ERI3: variants seen among roughly 807,000 people sequenced by gnomAD.
The protein encoded by ERI3 is ERI1 exoribonuclease family member 3, also known as ERI1 exoribonuclease 3.
ERI3 carries 18 observed loss-of-function variants against 44.4 expected under a neutral mutation model. The ratio of observed to expected loss-of-function variants is 0.41; its 90% CI spans 0.28 to 0.60. The LOEUF (loss-of-function observed/expected upper bound fraction) is 0.60. Ranked by LOEUF, ERI3 falls within the 20% of genes least tolerant of loss-of-function variation. ERI3 has a pLI of 0.36. For synonymous variants in ERI3, 183 were observed against 164.8 expected (o/e 1.11, Z -0.84); for missense variants, 294 against 435.5 (o/e 0.68, Z 2.89).
At chr1:44,310,957 GCGCGCGCACACACA>G (rs1557840884) in intron 5 of ERI3, among the ~76,000 whole-genome samples, 18 of 76,744 alleles carry the variant, frequency 2.3e-4, no homozygotes, top group African/African-American at 9.4e-4. Flanking sequence ...CACATCGCGC[GCGCGCGCACACACA>G]CACACACACA....
intron 7 of ERI3, among the ~76,000 whole-genome samples, chr1:44,261,579 C>T (rs1056000728): frequency 6.6e-6 from 1 of 152,236 alleles, no homozygotes; most frequent in African/African-American, 2.4e-5. Context: ...CGAGAGCAGG[C>T]AGCGGCCAGA....
intron 8 of ERI3, among the ~76,000 whole-genome samples, chr1:44,225,389 A>G (rs576122092): frequency 1.3e-5 from 2 of 152,082 alleles, no homozygotes; most frequent in South Asian, 4.2e-4. Context: ...CGGCCTCCCA[A>G]AGGGCTGGGA....
chr1:44,270,784 C>T (rs567247227), intron 7 of ERI3, among the ~76,000 whole-genome samples: 11 of 149,344 alleles, frequency 7.4e-5, no homozygotes, highest in African/African-American at 1.9e-4. Flanking sequence ...GAGAGAAAGA[C>T]AGAATCCCAG....
At chr1:44,283,297 C>G (rs1051217941) in intron 7 of ERI3, among the ~76,000 whole-genome samples, 6 of 152,214 alleles carry the variant, frequency 3.9e-5, no homozygotes, top group African/African-American at 1.4e-4. Flanking sequence ...GGCCTAGCCA[C>G]TGGAGACACA....
intron 7 of ERI3, among the ~76,000 whole-genome samples, chr1:44,282,003 A>G (rs1645301183): frequency 6.6e-6 from 1 of 151,454 alleles, no homozygotes; most frequent in African/African-American, 2.4e-5. Context: ...AGTCCTGTCT[A>G]AGATGACAGC....
intron 7 of ERI3, among the ~76,000 whole-genome samples, chr1:44,256,282 C>T (rs1302205869): frequency 1.3e-5 from 2 of 152,196 alleles, no homozygotes; most frequent in Non-Finnish European, 2.9e-5. Flanking sequence ...CAGCCCACCC[C>T]ACAGCCATTC....
chr1:44,230,485 A>G (rs1644154728), intron 8 of ERI3: 1 of 152,258 alleles, frequency 6.6e-6, no homozygotes, highest in Non-Finnish European at 1.5e-5. Context: ...AGTGGATTCA[A>G]TAGGAAGGTG....
chr1:44,222,692 C>T (rs902438871), intron 8 of ERI3, among the ~76,000 whole-genome samples: 1 of 152,188 alleles, frequency 6.6e-6, no homozygotes, highest in Non-Finnish European at 1.5e-5. Flanking sequence ...TTCTGTTCAG[C>T]TGCCCACAGC....
chr1:44,268,830 C>T (rs1318978185), intron 7 of ERI3, among the ~76,000 whole-genome samples: 1 of 152,184 alleles, frequency 6.6e-6, no homozygotes, highest in Non-Finnish European at 1.5e-5. Context: ...TACTCAGAGG[C>T]CCCTCTCCTT....
At chr1:44,319,566 G>A in intron 4 of ERI3, 62 bp downstream of exon 4, 1 of 1,151,790 alleles carries the variant, frequency 8.7e-7, no homozygotes, top group Non-Finnish European at 1.3e-6. Flanking sequence ...CCTATATAGA[G>A]CACCAAGGAT....
intron 7 of ERI3, among the ~76,000 whole-genome samples, chr1:44,257,933 T>A (rs1415179959): frequency 6.6e-6 from 1 of 152,146 alleles, no homozygotes; most frequent in Non-Finnish European, 1.5e-5. Flanking sequence ...CCCAAAACAG[T>A]CTAAGTTCTT....
intron 2 of ERI3, among the ~76,000 whole-genome samples, chr1:44,343,986 C>T (rs150820995): frequency 0.014 from 2,106 of 152,066 alleles, 47 homozygotes; most frequent in African/African-American, 0.048. Context: ...CATCTGTAAT[C>T]CCAGCACTCT....
chr1:44,328,724 T>C (rs748536541), intron 3 of ERI3, among the ~76,000 whole-genome samples: 54 of 152,190 alleles, frequency 3.5e-4, no homozygotes, highest in Admixed American at 2.6e-4. Context: ...AGCAAAGGTG[T>C]AGTCTAGAAC....
chr1:44,352,996 T>TA, intron 1 of ERI3, 71 bp from the exon 2 acceptor site: 4 of 1,601,032 alleles, frequency 2.5e-6, no homozygotes, highest in South Asian at 2.2e-5. Flanking sequence ...TGAAGGATAC[T>TA]ACACCTCAAA....
intron 7 of ERI3, among the ~76,000 whole-genome samples, chr1:44,268,276 C>T (rs1403339639): frequency 1.3e-5 from 2 of 152,100 alleles, no homozygotes; most frequent in Non-Finnish European, 2.9e-5. Flanking sequence ...CATAGGGTGA[C>T]TGGTGGCTGG....
At chr1:44,324,131 C>G (rs1646257063) in intron 3 of ERI3, among the ~76,000 whole-genome samples, 1 of 152,178 alleles carries the variant, frequency 6.6e-6, no homozygotes, top group Non-Finnish European at 1.5e-5. Context: ...GCACCTAATT[C>G]CTATGCTGGC....
chr1:44,311,388 A>G (rs1428086528), intron 5 of ERI3, among the ~76,000 whole-genome samples: 1 of 152,050 alleles, frequency 6.6e-6, no homozygotes, highest in Non-Finnish European at 1.5e-5. Flanking sequence ...TTCGGACAAG[A>G]AATGAGCTCT....
chr1:44,286,959 C>T (rs931910821), intron 6 of ERI3, among the ~76,000 whole-genome samples: 3 of 152,158 alleles, frequency 2.0e-5, no homozygotes, highest in African/African-American at 7.2e-5. Flanking sequence ...AGGGCAGGGC[C>T]CCAGACCTTT....
chr1:44,239,767 G>C (rs1644393086), intron 8 of ERI3, among the ~76,000 whole-genome samples: 1 of 151,962 alleles, frequency 6.6e-6, no homozygotes, highest in Admixed American at 6.5e-5. Context: ...TCCTGTCTTT[G>C]GGCAGAAGAA....
Sources: gnomAD v4.1 joint callset for allele counts (sites outside exome capture counted in the v4.1 genomes callset) on GRCh38, gnomAD v4.1.1 for gene constraint, MANE v1.5 for transcripts, NCBI Gene and HGNC (gene_info 2026-07-23, HGNC 2026-07-21) for gene names.